Variants in IPP observed in about 807,000 individuals in gnomAD.
IPP encodes the protein actin-binding protein IPP.
In IPP, 41 loss-of-function variants were observed where a neutral mutation model predicts 64.1. The ratio of observed to expected loss-of-function variants is 0.64; its 90% CI spans 0.50 to 0.83. The LOEUF is 0.83. Ranked by LOEUF, IPP falls within the 40% of genes least tolerant of loss-of-function variation. IPP has a pLI of 0.00. For synonymous variants in IPP, 214 were observed against 235.2 expected, an observed-to-expected ratio of 0.91 and a Z score of 0.83; for missense variants, 649 against 703.0, an observed-to-expected ratio of 0.92 and a Z score of 0.87.
At chr1:45,715,003 G>A (rs191360689) in intron 7 of IPP, among the ~76,000 whole-genome samples, 140 of 151,996 alleles carry the variant, frequency 9.2e-4, no homozygotes, top group Non-Finnish European at 8.7e-4. Context: ...CAGGGCAGGC[G>A]GATCACTTGA....
chr1:45,724,016 C>G (rs1375167979), intron 5 of IPP, among the ~76,000 whole-genome samples: 1 of 151,066 alleles, frequency 6.6e-6, no homozygotes, highest in African/African-American at 2.4e-5. Flanking sequence ...CTTCCACGGT[C>G]TCCCTCTGAT....
At chr1:45,706,568 G>GC (rs1297428352) in intron 8 of IPP, among the ~76,000 whole-genome samples, 1 of 151,920 alleles carries the variant, frequency 6.6e-6, no homozygotes, top group East Asian at 1.9e-4. Flanking sequence ...TCCTCCCTCA[G>GC]CCCCCCAAGT....
rs1300835926 is a variant in IPP, at chr1:45,739,597, T to C, written c.724+1304A>G. Among the ~76,000 whole-genome samples the C allele has an allele frequency of 3.9e-5, 6 of 152,062 alleles. No homozygotes were observed. In the East Asian group the frequency reaches 1.2e-3, roughly 29 times the overall value. On this transcript the variant is annotated intron_variant, in intron 3 of 8. Coordinates refer to ENST00000396478, the MANE Select transcript of IPP (RefSeq NM_005897.3). ...ATAAATTTAAACATCATTTTTCTAA[T>C]ATAAACATAAAAACTATTTTATACT...
Position 45,729,638 on chromosome 1 carries a change from C to T in IPP, c.856G>A (p.Ala286Thr). ...QTSKVRPRKKARKYLYAVGGY... is the reference protein window; with the variant it reads ...QTSKVRPRKKTRKYLYAVGGY... Reference sequence around the variant, plus strand: ...CCTACTGCATACAGGTACTTTCTTGCTTTCTTCCGAGGTCGAACCTTAGAT... The same window carrying T: ...CCTACTGCATACAGGTACTTTCTTGTTTTCTTCCGAGGTCGAACCTTAGAT... Residue 286 changes from alanine (A) to threonine (T), a missense_variant, in exon 4 of 9, where the codon GCA becomes ACA. Transcript: ENST00000396478. 6.2e-7 allele frequency: 1 copy of T among 1,612,694 alleles called. No homozygotes were observed. The highest frequency in any genetic ancestry group is 8.5e-7 in the Non-Finnish European group (1 of 1,179,526).
chr1:45,728,573 C>T (rs1228778030), intron 4 of IPP, among the ~76,000 whole-genome samples: 11 of 151,916 alleles, frequency 7.2e-5, no homozygotes, highest in Non-Finnish European at 1.2e-4. Context: ...CTGCTCACTG[C>T]AACCTCTGCC....
intron 8 of IPP, among the ~76,000 whole-genome samples, chr1:45,710,520 C>T (rs1645575764): frequency 2.2e-5 from 1 of 45,056 alleles, no homozygotes; most frequent in Non-Finnish European, 4.1e-5. Flanking sequence ...ACTCAGGAGG[C>T]TAAGACAGGA....
At chr1:45,702,540 T>G (rs1318653660) in intron 8 of IPP, among the ~76,000 whole-genome samples, 1 of 152,100 alleles carries the variant, frequency 6.6e-6, no homozygotes, top group Non-Finnish European at 1.5e-5. Context: ...CTGCAACCTC[T>G]GCCTCCTGGG....
Position 45,699,904 on chromosome 1 carries a change from T to C in IPP, c.*62A>G. On this transcript the variant is annotated 3_prime_UTR_variant, in exon 9 of 9. Coordinates refer to ENST00000396478, the MANE Select transcript of IPP (RefSeq NM_005897.3). ...GTCTTATCACCAAATCTATGTTTGC[T>C]TTGCAAAAGGTCAGGTCCTGCATTT... The C allele has an allele frequency of 6.3e-7, 1 of 1,579,062 alleles. No homozygotes were observed. Among genetic ancestry groups the C allele is most frequent in the Non-Finnish European group, 8.6e-7 (1 of 1,161,546 alleles).
downstream of IPP, chr1:45,698,199 G>C (rs1483865536): frequency 6.6e-6 from 1 of 152,302 alleles, no homozygotes; most frequent in Admixed American, 6.6e-5. Context: ...GGCTGAGGCA[G>C]GAGAATCGCT....
At chr1:45,739,314 G>T (rs934403401) in intron 3 of IPP, among the ~76,000 whole-genome samples, 1 of 151,772 alleles carries the variant, frequency 6.6e-6, no homozygotes, top group Admixed American at 6.6e-5. Flanking sequence ...GCTCAATGTA[G>T]CCTTGACCTC....
At chr1:45,726,546 C>T (rs956049295) in intron 5 of IPP, among the ~76,000 whole-genome samples, 1 of 151,778 alleles carries the variant, frequency 6.6e-6, no homozygotes, top group African/African-American at 2.4e-5. Context: ...TTTAATAATT[C>T]ATAAAAACAG....
chr1:45,739,693 T>C (rs1048730958), intron 3 of IPP, among the ~76,000 whole-genome samples: 4 of 152,318 alleles, frequency 2.6e-5, no homozygotes, highest in South Asian at 2.1e-4. Flanking sequence ...GAGGCCATAA[T>C]TGTATATCAA....
chr1:45,709,046 A>G (rs1357769262), intron 8 of IPP, among the ~76,000 whole-genome samples: 1 of 149,972 alleles, frequency 6.7e-6, no homozygotes, highest in Non-Finnish European at 1.5e-5. Flanking sequence ...AAAAAAAAAA[A>G]AAAAAAAGGA....
At chr1:45,749,502 T>TTTTG (rs1646187758) in intron 1 of IPP, among the ~76,000 whole-genome samples, 3 of 149,144 alleles carry the variant, frequency 2.0e-5, no homozygotes, top group African/African-American at 7.4e-5. Flanking sequence ...TTGTTTTTTT[T>TTTTG]TTTTGTTTTG....
chr1:45,716,207 A>G (rs1021956146), intron 7 of IPP, among the ~76,000 whole-genome samples: 7 of 151,914 alleles, frequency 4.6e-5, no homozygotes, highest in East Asian at 1.9e-4. Flanking sequence ...TACTTTGTAG[A>G]AAAAAAACGC....
At chr1:45,733,048 A>G (rs1645931423) in intron 3 of IPP, among the ~76,000 whole-genome samples, 1 of 152,198 alleles carries the variant, frequency 6.6e-6, no homozygotes, top group Non-Finnish European at 1.5e-5. Context: ...AAGAGAAAAG[A>G]TATATGGCAG....
At chr1:45,740,791 T>C (rs1360964142) in intron 3 of IPP, 110 bp downstream of exon 3, 2 of 611,226 alleles carry the variant, frequency 3.3e-6, no homozygotes, top group Non-Finnish European at 5.5e-6. Context: ...AGAGTAATCA[T>C]TCAATAAATG....
At chr1:45,708,699 A>G (rs1645547784) in intron 8 of IPP, among the ~76,000 whole-genome samples, 1 of 148,158 alleles carries the variant, frequency 6.7e-6, no homozygotes, top group Non-Finnish European at 1.5e-5. Flanking sequence ...AAAAAAAAAA[A>G]GCAACCTAAC....
rs750315912 is a variant in IPP at position 45,741,007 on chromosome 1, T to G, written c.618A>C (p.Gln206His). The change falls in exon 3 of 9, where the codon CAA becomes CAC. Residue 206 changes from glutamine (Q) to histidine (H), a missense_variant. Physicochemically the swap from Gln to His is conservative, Grantham distance 24. Transcript: ENST00000396478. The stretch of plus-strand genomic sequence containing the variant: ...TTTTTCCCAAATCTTTCAGAATCCA[T>G]TGCATTGCAGCTAAGAAGACCTGGT... ...DEYQVFLAAM[Q>H]WILKDLGKRR... 8.7e-6 allele frequency: 14 copies of G among 1,613,914 alleles called. No individual in the cohort carries two copies. Among genetic ancestry groups the G allele is most frequent in the Non-Finnish European group, 1.0e-5 (12 of 1,179,908 alleles).
Sources: allele counts gnomAD v4.1 joint callset (sites outside exome capture counted in the v4.1 genomes callset), GRCh38; gene constraint gnomAD v4.1.1; transcripts MANE v1.5; gene names NCBI Gene and HGNC (gene_info 2026-07-23, HGNC 2026-07-21).